WWOX: variants seen among roughly 807,000 people sequenced by gnomAD.
The protein encoded by WWOX is WW domain containing oxidoreductase.
Under a neutral mutation model 46.2 loss-of-function variants are expected in WWOX, and 69 were observed. That is an observed-to-expected ratio of 1.49 (90% CI 1.23 to 1.82). WWOX has a LOEUF of 1.82. Ranked by LOEUF, WWOX falls within the 40% of genes most tolerant of loss-of-function variation. WWOX has a pLI of 0.00. For missense variants in WWOX, 919 were observed against 542.6 expected, an observed-to-expected ratio of 1.69 and a Z score of -6.89; for synonymous variants, 359 against 202.6, an observed-to-expected ratio of 1.77 and a Z score of -6.56.
At chr16:78,312,554 T>C (rs139938790) in intron 5 of WWOX, among the ~76,000 whole-genome samples, 127 of 152,188 alleles carry the variant, frequency 8.3e-4, no homozygotes, top group African/African-American at 3.0e-3. Flanking sequence ...TTTGAATTTT[T>C]AGTAGAGATG....
intron 8 of WWOX, among the ~76,000 whole-genome samples, chr16:78,579,035 C>T (rs2044978918): frequency 6.6e-6 from 1 of 152,134 alleles, no homozygotes; most frequent in African/African-American, 2.4e-5. Flanking sequence ...TTTTCCTTTG[C>T]CCTTTTCGTA....
At chr16:79,152,342 G>C (rs2150734308) in intron 8 of WWOX, among the ~76,000 whole-genome samples, 1 of 152,206 alleles carries the variant, frequency 6.6e-6, no homozygotes, top group African/African-American at 2.4e-5. Context: ...GAGGAGTCTG[G>C]GGTGAAGCCA....
intron 5 of WWOX, among the ~76,000 whole-genome samples, chr16:78,247,344 C>T (rs145182911): frequency 3.9e-5 from 6 of 152,254 alleles, no homozygotes; most frequent in African/African-American, 1.2e-4. Flanking sequence ...ACAATGCACC[C>T]GTTATTACTT....
rs575076339 is a variant in WWOX at position 78,527,869 on chromosome 16, C to G, written c.1056+95117C>G. On this transcript the variant is annotated intron_variant, in intron 8 of 8. Coordinates refer to ENST00000566780, the MANE Select transcript of WWOX (RefSeq NM_016373.4). ...TAGTGGGCAAAGGCCAGGGATAGTG[C>G]TAAGGATCCTGCAGTGCAAAGGACC... Among the ~76,000 whole-genome samples the G allele has an allele frequency of 7.9e-5, 12 of 151,712 alleles. No homozygotes were observed. The South Asian group carries it at 2.3e-3, about 29-fold the overall frequency.
chr16:78,928,230 T>C (rs1271522242), intron 8 of WWOX, among the ~76,000 whole-genome samples: 1 of 143,260 alleles, frequency 7.0e-6, no homozygotes, highest in African/African-American at 2.7e-5. Context: ...TGAGACGGAG[T>C]CTCGCTCTGT....
chr16:79,135,845 C>T (rs1387035535), intron 8 of WWOX, among the ~76,000 whole-genome samples: 2 of 151,878 alleles, frequency 1.3e-5, no homozygotes. Flanking sequence ...TTTTATTGAC[C>T]ATTCACATTT....
chr16:78,837,099 G>C (rs886605378), intron 8 of WWOX, among the ~76,000 whole-genome samples: 2 of 152,084 alleles, frequency 1.3e-5, no homozygotes, highest in East Asian at 1.9e-4. Flanking sequence ...TGCTTAGGGA[G>C]GGGGGAGAAG....
chr16:78,609,669 C>T (rs1302383868), intron 8 of WWOX, among the ~76,000 whole-genome samples: 4 of 152,072 alleles, frequency 2.6e-5, no homozygotes, highest in African/African-American at 9.7e-5. Flanking sequence ...TGTCTTTGGA[C>T]ATCTACTCCA....
chr16:78,976,601 G>A (rs937913067), intron 8 of WWOX, among the ~76,000 whole-genome samples: 2 of 152,200 alleles, frequency 1.3e-5, no homozygotes, highest in Non-Finnish European at 2.9e-5. Context: ...GCATGGCGTT[G>A]CGTTTCCAAG....
chr16:78,728,742 G>A (rs1170010852), intron 8 of WWOX, among the ~76,000 whole-genome samples: 1 of 152,106 alleles, frequency 6.6e-6, no homozygotes, highest in Admixed American at 6.5e-5. Flanking sequence ...ATTCCAAGAG[G>A]GAAAACAATC....
intron 5 of WWOX, among the ~76,000 whole-genome samples, chr16:78,220,578 G>A (rs766651455): frequency 6.6e-6 from 1 of 152,032 alleles, no homozygotes; most frequent in African/African-American, 2.4e-5. Flanking sequence ...TTTAGCTTGG[G>A]TATTAACCTT....
intron 8 of WWOX, among the ~76,000 whole-genome samples, chr16:78,812,234 G>A (rs966443705): frequency 6.6e-5 from 10 of 152,006 alleles, no homozygotes; most frequent in Non-Finnish European, 1.0e-4. Flanking sequence ...AAAGATTGGG[G>A]CATATTTAGG....
In WWOX at chr16:78,518,317, C is replaced by T. The variant is rs181062867; in HGVS notation, c.1056+85565C>T. On this transcript the variant is annotated intron_variant, in intron 8 of 8. Transcript: ENST00000566780. ...CGTGATCTCAACTCACCGCAGCCTC[C>T]GCCTCCTGGGATCAAGTGATTCTCC... Among the ~76,000 whole-genome samples the T allele has an allele frequency of 3.3e-3, 507 of 152,200 alleles. 2 individuals carry two copies. The highest frequency in any genetic ancestry group is 0.024 in the Middle Eastern group (7 of 294).
intron 8 of WWOX, among the ~76,000 whole-genome samples, chr16:78,958,134 C>G (rs1011932614): frequency 5.3e-5 from 8 of 152,180 alleles, no homozygotes; most frequent in Non-Finnish European, 5.9e-5. Context: ...TGTTCCTTAA[C>G]TTGCTCATCA....
chr16:78,975,659 AC>A (rs1223058935), intron 8 of WWOX, among the ~76,000 whole-genome samples: 1 of 152,074 alleles, frequency 6.6e-6, no homozygotes, highest in Non-Finnish European at 1.5e-5. Flanking sequence ...ACCAATGTTA[AC>A]ACCCCTGGAT....
rs566201200 is a variant in WWOX, at chr16:78,888,483, T to C, written c.1057-323125T>C. ...AGGTCCACTAGGTGCTATTAGCTGG[T>C]GCTAACTGACAGCTCTAGGCAGAAA... On this transcript the variant is annotated intron_variant, in intron 8 of 8. Coordinates refer to ENST00000566780, the MANE Select transcript of WWOX (RefSeq NM_016373.4). Among the ~76,000 whole-genome samples the C allele has an allele frequency of 4.6e-5, 7 of 152,306 alleles. No homozygotes were observed. In the East Asian group the frequency reaches 1.4e-3, roughly 29 times the overall value.
At chr16:78,542,062 C>A in intron 8 of WWOX, among the ~76,000 whole-genome samples, 1 of 135,850 alleles carries the variant, frequency 7.4e-6, no homozygotes, top group East Asian at 2.4e-4. Context: ...TTGCACAGAC[C>A]CCAGCTTAGG....
chr16:79,201,310 C>G (rs949718575), intron 8 of WWOX, among the ~76,000 whole-genome samples: 2 of 151,814 alleles, frequency 1.3e-5, no homozygotes, highest in Middle Eastern at 6.8e-3. Flanking sequence ...TCTCCCTTCC[C>G]TAGCTGAATA....
At chr16:78,745,149 C>G (rs1019236602) in intron 8 of WWOX, among the ~76,000 whole-genome samples, 1 of 152,176 alleles carries the variant, frequency 6.6e-6, no homozygotes, top group Admixed American at 6.5e-5. Context: ...TATGAACATG[C>G]CTCTGTCTGT....
Sources: allele counts gnomAD v4.1 joint callset (sites outside exome capture counted in the v4.1 genomes callset), GRCh38; gene constraint gnomAD v4.1.1; transcripts MANE v1.5; gene names NCBI Gene and HGNC (gene_info 2026-07-23, HGNC 2026-07-21).